Variants in MTMR12 observed in about 807,000 individuals in gnomAD.
MTMR12 encodes myotubularin related protein 12, also known as myotubularin-related protein 12.
Under a neutral mutation model 96.7 loss-of-function variants are expected in MTMR12, and 33 were observed. That is an observed-to-expected ratio of 0.34 (90% CI 0.26 to 0.46). The LOEUF (loss-of-function observed/expected upper bound fraction) is 0.46, where lower values mean the gene tolerates loss of function less well. Ranked by LOEUF, MTMR12 falls within the 20% of genes least tolerant of loss-of-function variation. The pLI, the probability that MTMR12 is intolerant of heterozygous loss-of-function variation, is 1.00. For missense variants in MTMR12, 721 were observed against 896.1 expected (o/e 0.80, Z 2.49); for synonymous variants, 298 against 327.2 (o/e 0.91, Z 0.96).
chr5:32,234,169 G>T (rs1164068598), intron 14 of MTMR12, among the ~76,000 whole-genome samples: 1 of 152,134 alleles, frequency 6.6e-6, no homozygotes, highest in Non-Finnish European at 1.5e-5. Flanking sequence ...CGCTGTGCTG[G>T]GTGCTTCCAC....
At chr5:32,241,986 G>T in intron 12 of MTMR12, 71 bp downstream of exon 12, 1 of 1,273,522 alleles carries the variant, frequency 7.9e-7, no homozygotes, top group Non-Finnish European at 1.1e-6. Flanking sequence ...AATACATAAA[G>T]CTACATATAC....
At chr5:32,249,013 A>C (rs1748806321) in intron 8 of MTMR12, 135 bp from the exon 9 acceptor site, 2 of 672,672 alleles carry the variant, frequency 3.0e-6, no homozygotes, top group Non-Finnish European at 5.3e-6. Context: ...AACTTTATTA[A>C]GCCTGGGAGT....
At chr5:32,248,737 A>G in intron 9 of MTMR12, 35 bp downstream of exon 9, 1 of 1,542,624 alleles carries the variant, frequency 6.5e-7, no homozygotes, top group Non-Finnish European at 9.0e-7. Flanking sequence ...GAAAACAAGA[A>G]CTGAACAAGA....
At chr5:32,244,418 C>T (rs558253099) in intron 10 of MTMR12, among the ~76,000 whole-genome samples, 3 of 152,082 alleles carry the variant, frequency 2.0e-5, no homozygotes, top group South Asian at 2.1e-4. Context: ...AGAGAAACCC[C>T]GTCTCTACTA....
intron 12 of MTMR12, among the ~76,000 whole-genome samples, chr5:32,239,879 C>T (rs1748396274): frequency 6.6e-6 from 1 of 152,194 alleles, no homozygotes; most frequent in South Asian, 2.1e-4. Flanking sequence ...CTTTCCAAAA[C>T]TCATTTGATG....
chr5:32,267,694 A>G (rs1298009818), intron 6 of MTMR12, among the ~76,000 whole-genome samples: 1 of 152,230 alleles, frequency 6.6e-6, no homozygotes, highest in Non-Finnish European at 1.5e-5. Flanking sequence ...CTAGAATGCA[A>G]GAAATTCTCT....
At chr5:32,241,712 G>T (rs1748482029) in intron 12 of MTMR12, among the ~76,000 whole-genome samples, 2 of 152,134 alleles carry the variant, frequency 1.3e-5, no homozygotes. Context: ...GTCATCCATG[G>T]ATCTCTTTAT....
At chr5:32,248,447 G>GTTTT (rs72152630) in intron 9 of MTMR12, among the ~76,000 whole-genome samples, 66,614 of 151,336 alleles carry the variant, frequency 0.44, 15,495 homozygotes, top group African/African-American at 0.59. Flanking sequence ...GCTTTGTTTT[G>GTTTT]TTTAATTTGA....
intron 5 of MTMR12, among the ~76,000 whole-genome samples, chr5:32,269,532 T>C (rs1042539698): frequency 6.6e-5 from 10 of 152,210 alleles, no homozygotes; most frequent in African/African-American, 2.4e-4. Flanking sequence ...CTCGAACTCC[T>C]GACCTCAGGT....
At chr5:32,248,969 C>T in intron 8 of MTMR12, 91 bp from the exon 9 acceptor site, 1 of 947,282 alleles carries the variant, frequency 1.1e-6, no homozygotes, top group Non-Finnish European at 1.7e-6. Flanking sequence ...ACAGGGAAAT[C>T]TGTAACTTCA....
chr5:32,252,429 T>A (rs1439574505), intron 8 of MTMR12, among the ~76,000 whole-genome samples: 1 of 152,268 alleles, frequency 6.6e-6, no homozygotes, highest in Non-Finnish European at 1.5e-5. Context: ...AGCCCCAAAC[T>A]ATCTCTTCAA....
chr5:32,245,377 A>G (rs972580159), intron 10 of MTMR12, among the ~76,000 whole-genome samples: 1 of 152,224 alleles, frequency 6.6e-6, no homozygotes, highest in African/African-American at 2.4e-5. Context: ...AAGTCAGAAG[A>G]AGCCAAATCA....
intron 1 of MTMR12, among the ~76,000 whole-genome samples, chr5:32,305,544 A>G (rs1751318565): frequency 6.6e-6 from 1 of 152,210 alleles, no homozygotes. Flanking sequence ...GTCCAATAAA[A>G]ATCATCCCAA....
In MTMR12 at chr5:32,271,824, G is replaced by A. The variant is rs1749847128; in HGVS notation, c.358+9C>T. On this transcript the variant is annotated intron_variant, in intron 4 of 15. Transcript: ENST00000382142. Reference sequence around the variant, plus strand: ...GTTGCCAACACCCCAGGGAAAAACAGATACTTACCTCCATAAATCTGATCA... The same window carrying A: ...GTTGCCAACACCCCAGGGAAAAACAAATACTTACCTCCATAAATCTGATCA... 6 of 1,530,794 alleles carry A rather than the reference G, an allele frequency of 3.9e-6. No homozygotes were observed. Among genetic ancestry groups the A allele is most frequent in the South Asian group, 1.2e-5 (1 of 82,082 alleles). 94.8% of individuals were successfully genotyped at this position (1,530,794 alleles called of 1,614,324 possible).
intron 4 of MTMR12, among the ~76,000 whole-genome samples, chr5:32,271,154 C>T (rs1749817032): frequency 6.6e-6 from 1 of 152,238 alleles, no homozygotes; most frequent in Non-Finnish European, 1.5e-5. Flanking sequence ...GCGTGCTTCA[C>T]TCCTCTGGAG....
rs1748108016 is a variant in MTMR12, at chr5:32,233,958, G to T, written c.1513-24C>A. ...CCCTGCCAAAACAAGCACAGGTCAT[G>T]CTGTTTTCCAGGGAGGGCTGAGGAA... On this transcript the variant is annotated intron_variant, in intron 14 of 15. Transcript: ENST00000382142. This position sits in a 1 kb window ranked among gnomAD's most constrained non-coding sequence, Gnocchi z 5.0. 2 of 1,613,700 alleles carry T rather than the reference G, an allele frequency of 1.2e-6. No individual in the cohort carries two copies. The highest frequency in any genetic ancestry group is 1.7e-6 in the Non-Finnish European group (2 of 1,179,690).
chr5:32,251,768 A>G (rs1046902485), intron 8 of MTMR12, among the ~76,000 whole-genome samples: 104 of 152,302 alleles, frequency 6.8e-4, no homozygotes, highest in African/African-American at 2.4e-3. Context: ...CGGGACTCCA[A>G]ACAAGGCAAT....
rs113079004 is a variant in MTMR12 at position 32,294,308 on chromosome 5, CTTTTT to C, written c.82-17571_82-17567del. On this transcript the variant is annotated intron_variant, in intron 1 of 15. Coordinates refer to ENST00000382142, the MANE Select transcript of MTMR12 (RefSeq NM_001040446.3). ...CCAGAACAGCACTTTTCCTTTTTTC[CTTTTT>C]TTTTTTAAAGACAGAGTCTCCCTCT... Among the ~76,000 whole-genome samples, 6 of 147,370 alleles carry C rather than the reference CTTTTT, an allele frequency of 4.1e-5. No homozygotes were observed. The Admixed American group carries it at 4.1e-4, about 10-fold the overall frequency.
chr5:32,280,934 CAA>C (rs113829648), intron 1 of MTMR12, among the ~76,000 whole-genome samples: 2,752 of 151,908 alleles, frequency 0.018, 91 homozygotes, highest in African/African-American at 0.063. Context: ...CATGAGTAAA[CAA>C]AGAGTAGGGG....
Sources: gnomAD v4.1 joint callset for allele counts (sites outside exome capture counted in the v4.1 genomes callset) on GRCh38, gnomAD v4.1.1 for gene constraint, Gnocchi (gnomAD v3.1) non-coding constraint, MANE v1.5 for transcripts, NCBI Gene and HGNC (gene_info 2026-07-23, HGNC 2026-07-21) for gene names.